NEMP1: variants seen among roughly 807,000 people sequenced by gnomAD.
The protein encoded by NEMP1 is nuclear envelope integral membrane protein 1.
In NEMP1, 29 loss-of-function variants were observed where a neutral mutation model predicts 53.7. The ratio of observed to expected loss-of-function variants is 0.54; its 90% CI spans 0.40 to 0.74. The LOEUF is 0.74. Ranked by LOEUF, NEMP1 falls within the 30% of genes least tolerant of loss-of-function variation. The pLI is 0.00. For synonymous variants in NEMP1, 193 were observed against 192.9 expected (o/e 1.00, Z 0.00); for missense variants, 477 against 528.6 (o/e 0.90, Z 0.96).
chr12:57,070,579 G>A (rs1471476202), intron 3 of NEMP1, 95 bp downstream of exon 3: 19 of 1,076,008 alleles, frequency 1.8e-5, no homozygotes, highest in Admixed American at 2.3e-5. Flanking sequence ...AACTGGAGCT[G>A]TCTTAGGCTG....
intron 1 of NEMP1, among the ~76,000 whole-genome samples, chr12:57,087,452 G>T (rs1018771229): frequency 5.9e-5 from 9 of 152,086 alleles, no homozygotes; most frequent in African/African-American, 1.7e-4. Context: ...TGAGGTGGGG[G>T]GGGAGGGGTC....
chr12:57,079,206 A>T (rs905662187), upstream of NEMP1, among the ~76,000 whole-genome samples: 1 of 152,188 alleles, frequency 6.6e-6, no homozygotes, highest in Non-Finnish European at 1.5e-5. Context: ...AGATCGCTTT[A>T]TGAGTAGGAC....
At position 57,078,573 on chromosome 12, in the gene NEMP1, A is replaced by G. The variant is rs1565666913; in HGVS notation, c.127+46T>C. 2.5e-6 allele frequency: 4 copies of G among 1,569,618 alleles called. No individual in the cohort carries two copies. The South Asian group carries it at 4.6e-5, about 18-fold the overall frequency. On this transcript the variant is annotated intron_variant, in intron 1 of 8. Transcript: ENST00000300128. ...CGGGACAATCCCTTTTCCAAAAATA[A>G]CCCCCTCGGCACCTGCCCCCTTGGC...
upstream of NEMP1, chr12:57,078,882 T>G: frequency 1.0e-6 from 1 of 956,504 alleles, no homozygotes; most frequent in East Asian, 2.6e-5. Flanking sequence ...CACCCAGCCC[T>G]CCAAGGGCCC....
intron 1 of NEMP1, among the ~76,000 whole-genome samples, chr12:57,075,480 G>A (rs1259543976): frequency 3.3e-5 from 5 of 149,572 alleles, no homozygotes; most frequent in Admixed American, 6.7e-5. Flanking sequence ...GGGCGACAGA[G>A]CAAGACTCCA....
upstream of NEMP1, chr12:57,088,083 A>G (rs2033069438): frequency 6.6e-6 from 1 of 152,248 alleles, no homozygotes; most frequent in African/African-American, 2.4e-5. Flanking sequence ...CCTCTTACTC[A>G]TCTTCCACTA....
intron 7 of NEMP1, among the ~76,000 whole-genome samples, chr12:57,061,275 G>C (rs1378325017): frequency 6.6e-6 from 1 of 152,102 alleles, no homozygotes; most frequent in East Asian, 1.9e-4. Context: ...AATGCCTATA[G>C]AAAGTAAAAA....
At chr12:57,062,624 T>G (rs1319875319) in intron 7 of NEMP1, among the ~76,000 whole-genome samples, 1 of 151,792 alleles carries the variant, frequency 6.6e-6, no homozygotes, top group African/African-American at 2.4e-5. Flanking sequence ...CTTTATGAAC[T>G]CCTGACATTT....
chr12:57,088,523 C>G (rs1470605226), upstream of NEMP1, among the ~76,000 whole-genome samples: 1 of 152,246 alleles, frequency 6.6e-6, no homozygotes, highest in Non-Finnish European at 1.5e-5. Flanking sequence ...TGCTAACATT[C>G]ACACGTCCAG....
intron 7 of NEMP1, among the ~76,000 whole-genome samples, chr12:57,061,468 C>G (rs2031798264): frequency 6.6e-6 from 1 of 151,960 alleles, no homozygotes; most frequent in Non-Finnish European, 1.5e-5. Context: ...CCAAGGCAGG[C>G]AGATCACCTG....
chr12:57,066,680 A>G (rs2032092940), intron 4 of NEMP1, among the ~76,000 whole-genome samples: 1 of 152,206 alleles, frequency 6.6e-6, no homozygotes, highest in African/African-American at 2.4e-5. Context: ...GATGAAGTTC[A>G]CTGTCTAATA....
At chr12:57,082,764 T>C (rs1024836004), upstream of NEMP1, among the ~76,000 whole-genome samples, 5 of 149,850 alleles carry the variant, frequency 3.3e-5, no homozygotes, top group Non-Finnish European at 5.9e-5. Flanking sequence ...GTAATCCCAA[T>C]GTCTTGGGAG....
intron 1 of NEMP1, among the ~76,000 whole-genome samples, chr12:57,076,898 G>A (rs906283223): frequency 6.6e-5 from 9 of 135,922 alleles, no homozygotes; most frequent in Non-Finnish European, 3.2e-5. Context: ...AACAGGAACC[G>A]AGATTGCACC....
intron 6 of NEMP1, 97 bp from the exon 7 acceptor site, chr12:57,063,441 T>G: frequency 1.2e-6 from 1 of 867,170 alleles, no homozygotes; most frequent in Non-Finnish European, 1.8e-6. Flanking sequence ...ATAGCACCAA[T>G]TGAACTAGGA....
In NEMP1 at chr12:57,074,362, G is replaced by A. The variant is rs1338476907; in HGVS notation, c.128-1450C>T. Among the ~76,000 whole-genome samples, 3 of 149,826 alleles carry A rather than the reference G, an allele frequency of 2.0e-5. No homozygotes were observed. In the Admixed American group the frequency reaches 2.0e-4, roughly 10 times the overall value. ...GCTGGAATACAGTGGTGCGATCTTG[G>A]CTCACTGCAACCTCTGCCTCCCAGG... On this transcript the variant is annotated intron_variant, in intron 1 of 8. Transcript: ENST00000300128.
At chr12:57,077,613 G>A (rs1468915916) in intron 1 of NEMP1, among the ~76,000 whole-genome samples, 1 of 152,156 alleles carries the variant, frequency 6.6e-6, no homozygotes, top group African/African-American at 2.4e-5. Flanking sequence ...AGCCTCCAGG[G>A]AAGAGAACTA....
In NEMP1 at chr12:57,069,297, G is replaced by A; in HGVS notation, c.482C>T (p.Pro161Leu). 6.5e-7 allele frequency: 1 copy of A among 1,543,632 alleles called. No individual in the cohort carries two copies. Among genetic ancestry groups the A allele is most frequent in the Non-Finnish European group, 8.7e-7 (1 of 1,144,602 alleles). The stretch of plus-strand genomic sequence containing the variant: ...AAGAAGGAAAACAAGAAAGAGTTTG[G>A]GATCAAATCCTGAAATAAATAAAGA... The part of the protein sequence containing the change: ...YSVIVIRRFD[P>L]KLFLVFLLGL... The change falls in exon 4 of 9, where the codon CCC becomes CTC. Residue 161 changes from proline (P) to leucine (L), a missense_variant. Pro to Leu is a moderately conservative substitution (Grantham distance 98). Transcript: ENST00000300128.
In NEMP1 at chr12:57,064,052, C is replaced by A; in HGVS notation, c.754+19G>T. ...AGCCTATAAACGTACAAAAGGAAAG[C>A]AAAACCGACAACACTTACTTAAAAG... On this transcript the variant is annotated intron_variant, in intron 6 of 8. Coordinates refer to ENST00000300128, the MANE Select transcript of NEMP1 (RefSeq NM_001130963.2). 1 of 1,507,126 alleles carries A rather than the reference C, an allele frequency of 6.6e-7. No individual in the cohort carries two copies. The highest frequency in any genetic ancestry group is 1.4e-5 in the African/African-American group (1 of 71,566). 93.4% of individuals were successfully genotyped at this position (1,507,126 alleles called of 1,614,324 possible). A position where few individuals can be genotyped will look rare whatever the true frequency, so the allele number is the denominator to read the frequency against.
chr12:57,071,891 A>C (rs910749209), intron 2 of NEMP1, among the ~76,000 whole-genome samples: 1 of 152,164 alleles, frequency 6.6e-6, no homozygotes, highest in African/African-American at 2.4e-5. Flanking sequence ...TGTCCTTATC[A>C]GTAACTATGC....
Sources: allele counts gnomAD v4.1 joint callset (sites outside exome capture counted in the v4.1 genomes callset), GRCh38; gene constraint gnomAD v4.1.1; transcripts MANE v1.5; gene names NCBI Gene and HGNC (gene_info 2026-07-23, HGNC 2026-07-21).